CPT1B: variants seen among roughly 807,000 people sequenced by gnomAD.
The protein encoded by CPT1B is carnitine O-palmitoyltransferase 1, muscle isoform.
A neutral mutation model predicts 92.7 loss-of-function variants in CPT1B; 57 were observed. The observed-to-expected ratio is 0.62, with a 90% CI of 0.50 to 0.77. The LOEUF (loss-of-function observed/expected upper bound fraction) is 0.77, where lower values mean the gene tolerates loss of function less well. CPT1B is among the 30% of genes least tolerant of loss of function. The pLI is 0.00. For missense variants in CPT1B, 983 were observed against 1,017.4 expected (o/e 0.97, Z 0.46); for synonymous variants, 398 against 383.5 (o/e 1.04, Z -0.44).
At chr22:50,576,740 C>G in intron 4 of CPT1B, 103 bp from the exon 5 acceptor site, 1 of 1,555,678 alleles carries the variant, frequency 6.4e-7, no homozygotes, top group Non-Finnish European at 8.8e-7. Flanking sequence ...CCCTCCAGGA[C>G]AAACCACACA....
chr22:50,577,749 G>A (rs2070523524), intron 2 of CPT1B, 26 bp downstream of exon 2: 16 of 1,606,978 alleles, frequency 1.0e-5, no homozygotes, highest in Non-Finnish European at 1.4e-5. Context: ...CTCTGCCTAC[G>A]CTCTGGGAGA....
Position 50,570,368 on chromosome 22 carries a change from G to T in CPT1B, c.2067C>A (p.Ile689=), listed in dbSNP as rs748645038. The change falls in exon 17 of 20, where the codon ATC becomes ATA. Residue 689 remains isoleucine, a synonymous_variant. Coordinates refer to ENST00000312108, the MANE Select transcript of CPT1B (RefSeq NM_152246.3). ...CGAACATGCGGATCTGGGATTGGGG[G>T]ATCTGGCTGGTGGAGAGACGCCAGG... is the stretch of plus-strand genomic sequence containing the variant. ...SEPWRLSTSQ[I]PQSQIRMFDP... is the part of the protein sequence containing the mutation. 2.5e-5 allele frequency: 40 copies of T among 1,608,220 alleles called. No homozygotes were observed. The highest frequency in any genetic ancestry group is 8.4e-5 in the Admixed American group (5 of 59,568).
At chr22:50,570,157 C>T in intron 17 of CPT1B, 136 bp downstream of exon 17, 1 of 627,618 alleles carries the variant, frequency 1.6e-6, no homozygotes, top group Non-Finnish European at 2.6e-6. Context: ...TAACATTCTG[C>T]TTCCATGCAG....
intron 9 of CPT1B, 65 bp downstream of exon 9, chr22:50,574,270 G>A (rs1603443374): frequency 2.3e-6 from 3 of 1,305,608 alleles, no homozygotes; most frequent in East Asian, 2.5e-5. Flanking sequence ...GCTTGGTGAT[G>A]AGCAGGCAGG....
intron 15 of CPT1B, 34 bp downstream of exon 15, chr22:50,571,124 G>T (rs201093489): frequency 6.2e-7 from 1 of 1,612,680 alleles, no homozygotes; most frequent in South Asian, 1.1e-5. Context: ...CTCACCCGAC[G>T]ACTGTGACCC....
At chr22:50,574,059 C>T in intron 9 of CPT1B, 1 of 674,128 alleles carries the variant, frequency 1.5e-6, no homozygotes, top group Non-Finnish European at 2.7e-6. Context: ...CTGCCGGCTC[C>T]ATGGCAGCGC....
Position 50,574,376 on chromosome 22 carries a change from T to A in CPT1B, c.929A>T (p.Glu310Val). The A allele has an allele frequency of 6.2e-7, 1 of 1,614,058 alleles. No homozygotes were observed. Among genetic ancestry groups the A allele is most frequent in the Non-Finnish European group, 8.5e-7 (1 of 1,179,982 alleles). ...GIVPMCSYQM[E>V]RMFNTTRIPG... ...GATCCGAGTGGTGTTGAACATCCTC[T>A]CCATCTGGTAGGAGCACATAGGCAC... The change falls in exon 9 of 20, where the codon GAG (glutamate) becomes GTG (valine). Residue 310 changes from glutamate (E) to valine (V), a missense_variant. Transcript: ENST00000312108.
rs1306185814 is a variant in CPT1B, at chr22:50,576,253, G to A, written c.644C>T (p.Thr215Ile). The change falls in exon 6 of 20, where the codon ACT (threonine) becomes ATT (isoleucine). Residue 215 changes from threonine (T) to isoleucine (I), a missense_variant. By Grantham distance (89) the Thr-to-Ile change is moderately conservative (BLOSUM62 -1). Transcript: ENST00000312108. Reference sequence around the variant, plus strand: ...CAGGTATTTCTGCAGCCTGGGGGCAGTCTTGTCCTGGAATTCTTTGGCCAG... The same window carrying A: ...CAGGTATTTCTGCAGCCTGGGGGCAATCTTGTCCTGGAATTCTTTGGCCAG... The part of the protein sequence containing the change: ...ELLAKEFQDK[T>I]APRLQKYLVL... 1.2e-6 allele frequency: 2 copies of A among 1,614,002 alleles called. No individual in the cohort carries two copies. Among genetic ancestry groups the A allele is most frequent in the Admixed American group, 1.7e-5 (1 of 60,002 alleles).
chr22:50,573,526 C>T lies in CPT1B; in HGVS notation c.1160G>A (p.Gly387Glu), dbSNP rs1430518843. 23 of 1,609,678 alleles carry T rather than the reference C, an allele frequency of 1.4e-5. No homozygotes were observed. The highest frequency in any genetic ancestry group is 2.0e-5 in the Non-Finnish European group (23 of 1,177,700). ...CCTTCCTAGAGGCCAATACCTTCCTCCTGCAGTGAGGGCTGCCAGCTTCTC... is the reference window on the plus strand; with the variant it reads ...CCTTCCTAGAGGCCAATACCTTCCTTCTGCAGTGAGGGCTGCCAGCTTCTC... ...GEEKLAALTA[G>E]GRVEWAQARQ... Residue 387 changes from glycine (G) to glutamate (E), a missense_variant, in exon 10 of 20, where the codon GGA (glycine) becomes GAA (glutamate). Gly to Glu is a moderately conservative substitution (Grantham distance 98). Coordinates refer to ENST00000312108, the MANE Select transcript of CPT1B (RefSeq NM_152246.3). The surrounding 1 kb of genome is among the most constrained non-coding windows in gnomAD (Gnocchi z 5.0).
At chr22:50,569,950 C>T (rs953308192) in intron 17 of CPT1B, among the ~76,000 whole-genome samples, 1 of 152,178 alleles carries the variant, frequency 6.6e-6, no homozygotes, top group Non-Finnish European at 1.5e-5. Context: ...GACAAGCTAG[C>T]CCATGTGAAG....
At chr22:50,575,011 TTTTA>T (rs200648036) in intron 7 of CPT1B, 4,570 of 152,252 alleles carry the variant, frequency 0.03, 184 homozygotes, top group South Asian at 0.14. Context: ...ATTTTTAAAT[TTTTA>T]TTTATTTATT....
chr22:50,570,764 G>T, intron 16 of CPT1B, 127 bp downstream of exon 16: 1 of 1,304,134 alleles, frequency 7.7e-7, no homozygotes, highest in Non-Finnish European at 1.1e-6. Flanking sequence ...GGGAAAGCTG[G>T]CCCAGCACTC....
chr22:50,572,753 G>A, intron 11 of CPT1B, 122 bp downstream of exon 11: 1 of 1,106,190 alleles, frequency 9.0e-7, no homozygotes, highest in Non-Finnish European at 1.3e-6. Flanking sequence ...CAAAGTGCTA[G>A]GATCACAGGT....
In CPT1B at chr22:50,577,336, C is replaced by T. The variant is rs2070492907; in HGVS notation, c.269G>A (p.Cys90Tyr). The change falls in exon 3 of 20, where the codon TGC becomes TAC. Residue 90 changes from cysteine (C) to tyrosine (Y), a missense_variant. By Grantham distance (194) the Cys-to-Tyr change is radical (BLOSUM62 -2). Transcript: ENST00000312108. Reference protein sequence around the residue: ...SLGLVSCIQRCLPQGCGPYQT... With the variant: ...SLGLVSCIQRYLPQGCGPYQT... ...TTTCACTCCTTACCCCTGAGGGAGG[C>T]ATCTCTGGATGCAACTGACCAGCCC... The T allele has an allele frequency of 1.9e-6, 3 of 1,613,850 alleles. No individual in the cohort carries two copies. The highest frequency in any genetic ancestry group is 2.5e-6 in the Non-Finnish European group (3 of 1,179,978).
chr22:50,571,416 C>A lies in CPT1B; in HGVS notation c.1699G>T (p.Asp567Tyr). The change falls in exon 14 of 20, where the codon GAT becomes TAT. Residue 567 changes from aspartate to tyrosine, a missense_variant. By Grantham distance (160) the Asp-to-Tyr change is radical. Coordinates refer to ENST00000312108, the MANE Select transcript of CPT1B (RefSeq NM_152246.3). ...GLIKKCRTSP[D>Y]AFVQIALQLA... is the part of the protein sequence containing the mutation. ...TGCAGCGCGATCTGCACAAAGGCAT[C>A]AGGGCTGGTCCGGCACTTCTTGATG... is the stretch of plus-strand genomic sequence containing the variant. 1 of 1,613,908 alleles carries A rather than the reference C, an allele frequency of 6.2e-7. No individual in the cohort carries two copies. Among genetic ancestry groups the A allele is most frequent in the Non-Finnish European group, 8.5e-7 (1 of 1,180,034 alleles).
Position 50,571,412 on chromosome 22 carries a change from G to A in CPT1B, c.1703C>T (p.Ala568Val). The A allele has an allele frequency of 2.5e-6, 4 of 1,613,902 alleles. No individual in the cohort carries two copies. The highest frequency in any genetic ancestry group is 3.4e-6 in the Non-Finnish European group (4 of 1,180,036). ...LIKKCRTSPD[A>V]FVQIALQLAH... ...CAGCTGCAGCGCGATCTGCACAAAG[G>A]CATCAGGGCTGGTCCGGCACTTCTT... is the stretch of plus-strand genomic sequence containing the variant. The change falls in exon 14 of 20, where the codon GCC becomes GTC. Residue 568 changes from alanine (A) to valine (V), a missense_variant. Ala to Val is a moderately conservative substitution (Grantham distance 64). Coordinates refer to ENST00000312108, the MANE Select transcript of CPT1B (RefSeq NM_152246.3).
chr22:50,570,194 A>G (rs2070095644), intron 17 of CPT1B, 99 bp downstream of exon 17: 2 of 854,498 alleles, frequency 2.3e-6, no homozygotes, highest in Non-Finnish European at 3.6e-6. Flanking sequence ...TCCTCTAAGC[A>G]AGGTGCTCCT....
In CPT1B at chr22:50,576,912, T is replaced by C. The variant is rs781052948; in HGVS notation, c.404A>G (p.His135Arg). The change falls in exon 4 of 20, where the codon CAT (histidine) becomes CGT (arginine). Residue 135 changes from histidine to arginine, a missense_variant. Coordinates refer to ENST00000312108, the MANE Select transcript of CPT1B (RefSeq NM_152246.3). Reference sequence around the variant, plus strand: ...GCCATGCATCTCAAACATCCACCCATGGTAGCAGAGAAGCAGCTTCAGGGT... The same window carrying C: ...GCCATGCATCTCAAACATCCACCCACGGTAGCAGAGAAGCAGCTTCAGGGT... ...RQTLKLLLCYHGWMFEMHGKT... is the reference protein window; with the variant it reads ...RQTLKLLLCYRGWMFEMHGKT... 12 of 1,613,992 alleles carry C rather than the reference T, an allele frequency of 7.4e-6. No individual in the cohort carries two copies. Among genetic ancestry groups the C allele is most frequent in the Admixed American group, 1.7e-5 (1 of 60,020 alleles).
intron 7 of CPT1B, 84 bp downstream of exon 7, chr22:50,575,951 G>C: frequency 9.8e-6 from 13 of 1,330,246 alleles, no homozygotes; most frequent in Non-Finnish European, 1.4e-5. Flanking sequence ...TGCTACTAGA[G>C]CTCTGGGCTG....
Sources: gnomAD v4.1 joint callset for allele counts (sites outside exome capture counted in the v4.1 genomes callset) on GRCh38, gnomAD v4.1.1 for gene constraint, Gnocchi (gnomAD v3.1) non-coding constraint, MANE v1.5 for transcripts, NCBI Gene and HGNC (gene_info 2026-07-23, HGNC 2026-07-21) for gene names.